The following ULK2 variants were observed in gnomAD, a reference collection of about 807,000 sequenced individuals.
ULK2 encodes unc-51 like autophagy activating kinase 2.
A neutral mutation model predicts 127.5 loss-of-function variants in ULK2; 76 were observed. The observed-to-expected ratio is 0.60, with a 90% CI of 0.50 to 0.72. The LOEUF (loss-of-function observed/expected upper bound fraction) is 0.72, where lower values mean the gene tolerates loss of function less well. Among genes scored for constraint, ULK2 ranks in the 30% least tolerant of loss-of-function variants. ULK2 has a pLI of 0.00. For synonymous variants in ULK2, 452 were observed against 461.9 expected, an observed-to-expected ratio of 0.98 and a Z score of 0.28; for missense variants, 1,144 against 1,295.9, an observed-to-expected ratio of 0.88 and a Z score of 1.80.
rs903403887 is a variant in ULK2, at chr17:19,786,088, T to C, written c.2102-2A>G. The stretch of plus-strand genomic sequence containing the variant: ...CACCACCACAGGCTCCTGCCGGAGC[T>C]ACAACAAAAAGTTTATAGAAGGTCA... On this transcript the variant is annotated splice_acceptor_variant, in intron 20 of 26. Coordinates refer to ENST00000395544, the MANE Select transcript of ULK2 (RefSeq NM_014683.4). LOFTEE classifies it high-confidence loss of function. 2.6e-6 allele frequency: 4 copies of C among 1,559,518 alleles called. No individual in the cohort carries two copies. The highest frequency in any genetic ancestry group is 2.6e-6 in the Non-Finnish European group (3 of 1,161,100).
intron 6 of ULK2, 47 bp downstream of exon 6, chr17:19,846,690 T>A: frequency 6.7e-7 from 1 of 1,485,692 alleles, no homozygotes; most frequent in Non-Finnish European, 9.0e-7. Context: ...TGTCTAAAAA[T>A]AGTTTCAAAA....
chr17:19,867,310 G>A lies in ULK2; in HGVS notation c.90+18C>T, dbSNP rs775376188. 11 of 1,551,812 alleles carry A rather than the reference G, an allele frequency of 7.1e-6. No individual in the cohort carries two copies. Among genetic ancestry groups the A allele is most frequent in the African/African-American group, 2.8e-5 (2 of 70,558 alleles). ...TGCCTGCCGCCCGGGGCCCGGCCTC[G>A]CCCCGGCCGGCGCTCACCTGGCGGT... On this transcript the variant is annotated intron_variant, in intron 1 of 26. Coordinates refer to ENST00000395544, the MANE Select transcript of ULK2 (RefSeq NM_014683.4).
In ULK2 at chr17:19,786,222, C is replaced by A. The variant is rs191456036; in HGVS notation, c.2102-136G>T. 5.3e-5 allele frequency: 36 copies of A among 673,922 alleles called. No individual in the cohort carries two copies. In the East Asian group the frequency reaches 1.2e-3, roughly 22 times the overall value. The allele number at this position is 673,922 out of a possible 1,614,324, so 41.7% of individuals were successfully genotyped here. Reference sequence around the variant, plus strand: ...TTTTTCCCTCTTCTTACAAAAAGTACTTATTGCTCTTAAAATCAGAAAACG... The same window carrying A: ...TTTTTCCCTCTTCTTACAAAAAGTAATTATTGCTCTTAAAATCAGAAAACG... On this transcript the variant is annotated intron_variant, in intron 20 of 26. Transcript: ENST00000395544.
chr17:19,786,247 G>A (rs1450520993), intron 20 of ULK2, among the ~76,000 whole-genome samples, 161 bp from the exon 21 acceptor site: 3 of 151,130 alleles, frequency 2.0e-5, no homozygotes, highest in Admixed American at 1.3e-4. Flanking sequence ...ATCAGAAAAC[G>A]TAATACAATA....
At chr17:19,784,051 G>T in intron 21 of ULK2, 146 bp from the exon 22 acceptor site, 1 of 541,322 alleles carries the variant, frequency 1.8e-6, no homozygotes, top group Non-Finnish European at 2.8e-6. Context: ...TACTATTTGA[G>T]GATATTAATA....
Position 19,816,727 on chromosome 17 carries a change from T to C in ULK2, c.1096+22A>G, listed in dbSNP as rs1403750639. On this transcript the variant is annotated intron_variant, in intron 13 of 26. Coordinates refer to ENST00000395544, the MANE Select transcript of ULK2 (RefSeq NM_014683.4). Reference sequence around the variant, plus strand: ...TTAGTAGATTAAGAAATACAATGTGTACAAGTAGAAAAGATTCTCACATGA... The same window carrying C: ...TTAGTAGATTAAGAAATACAATGTGCACAAGTAGAAAAGATTCTCACATGA... 6.5e-6 allele frequency: 10 copies of C among 1,546,948 alleles called. No individual in the cohort carries two copies. The Admixed American group carries it at 6.8e-5, about 10-fold the overall frequency.
intron 17 of ULK2, among the ~76,000 whole-genome samples, chr17:19,798,092 C>T (rs571059514): frequency 6.6e-6 from 1 of 152,136 alleles, no homozygotes; most frequent in Non-Finnish European, 1.5e-5. Context: ...ATTCTCTTTT[C>T]TCACACAGCA....
chr17:19,846,421 C>G (rs1398184479), intron 6 of ULK2, among the ~76,000 whole-genome samples: 1 of 152,048 alleles, frequency 6.6e-6, no homozygotes, highest in East Asian at 1.9e-4. Flanking sequence ...GGGCAGATCA[C>G]CTGAGGTCAG....
chr17:19,781,123 A>G lies in ULK2; in HGVS notation c.2640-19T>C. On this transcript the variant is annotated intron_variant, in intron 23 of 26. Coordinates refer to ENST00000395544, the MANE Select transcript of ULK2 (RefSeq NM_014683.4). Reference sequence around the variant, plus strand: ...CACCCGCCTGCACCCAAAAGACAGTAGCAGAGGGTTATCTTGTGAACTAAT... The same window carrying G: ...CACCCGCCTGCACCCAAAAGACAGTGGCAGAGGGTTATCTTGTGAACTAAT... 1 of 1,609,648 alleles carries G rather than the reference A, an allele frequency of 6.2e-7. No individual in the cohort carries two copies. Among genetic ancestry groups the G allele is most frequent in the Non-Finnish European group, 8.5e-7 (1 of 1,176,564 alleles).
intron 3 of ULK2, 81 bp from the exon 4 acceptor site, chr17:19,849,855 A>C (rs1358488821): frequency 1.2e-6 from 1 of 832,884 alleles, no homozygotes; most frequent in African/African-American, 1.8e-5. Flanking sequence ...AAAATACCAT[A>C]CTTGTTCATT....
chr17:19,814,439 T>TATACACACATATATA, intron 13 of ULK2, among the ~76,000 whole-genome samples: 1 of 9,992 alleles, frequency 1.0e-4, no homozygotes, highest in African/African-American at 2.1e-4. Flanking sequence ...TATATATATA[T>TATACACACATATATA]TTTTTTTTTT....
At chr17:19,837,618 AT>A (rs2041630166) in intron 10 of ULK2, among the ~76,000 whole-genome samples, 2 of 152,152 alleles carry the variant, frequency 1.3e-5, no homozygotes, top group Non-Finnish European at 2.9e-5. Context: ...AGTCTTTCCC[AT>A]CACTGTAATC....
chr17:19,824,488 G>C lies in ULK2; in HGVS notation c.924+606C>G, dbSNP rs999151748. ...AAAAAAAAAAAAGCCTAAGAGAAGA[G>C]TGGAGTAGGAAGAAGTGACTAGAGT... On this transcript the variant is annotated intron_variant, in intron 12 of 26. Coordinates refer to ENST00000395544, the MANE Select transcript of ULK2 (RefSeq NM_014683.4). Among the ~76,000 whole-genome samples, 4 of 145,230 alleles carry C rather than the reference G, an allele frequency of 2.8e-5. No individual in the cohort carries two copies. The East Asian group carries it at 8.3e-4, about 30-fold the overall frequency.
At chr17:19,799,182 TA>T (rs1329829337) in intron 17 of ULK2, among the ~76,000 whole-genome samples, 1 of 151,740 alleles carries the variant, frequency 6.6e-6, no homozygotes, top group African/African-American at 2.4e-5. Flanking sequence ...AAAAAAGTAT[TA>T]TTAATCAATA....
intron 10 of ULK2, among the ~76,000 whole-genome samples, chr17:19,833,332 C>A (rs1177580030): frequency 6.6e-6 from 1 of 150,736 alleles, no homozygotes; most frequent in African/African-American, 2.4e-5. Context: ...AAATGTTGAA[C>A]TTAACAAAGA....
At chr17:19,788,221 G>C (rs2087077111) in intron 20 of ULK2, among the ~76,000 whole-genome samples, 1 of 152,092 alleles carries the variant, frequency 6.6e-6, no homozygotes, top group Non-Finnish European at 1.5e-5. Flanking sequence ...GACTTAGAGA[G>C]ACATCAGACA....
intron 14 of ULK2, 106 bp from the exon 15 acceptor site, chr17:19,804,936 G>A: frequency 7.7e-7 from 1 of 1,304,682 alleles, no homozygotes; most frequent in Non-Finnish European, 1.0e-6. Flanking sequence ...AGAGCCAAAT[G>A]GTCACTCCAC....
chr17:19,867,273 C>G, intron 1 of ULK2, 55 bp downstream of exon 1: 1 of 1,393,656 alleles, frequency 7.2e-7, no homozygotes, highest in Non-Finnish European at 9.5e-7. Context: ...GTTTCAGAAC[C>G]ACCTAGCCCC....
Position 19,799,706 on chromosome 17 carries a change from G to A in ULK2, c.1442-131C>T, listed in dbSNP as rs191034964. ...GGTTAGAAAATTTTAAGTAACAAAC[G>A]TTTAGTTCAACTAACATTTACTGGA... On this transcript the variant is annotated intron_variant, in intron 16 of 26. Transcript: ENST00000395544. 7.8e-5 allele frequency: 63 copies of A among 802,566 alleles called. No individual in the cohort carries two copies. In the Admixed American group the frequency reaches 1.8e-3, roughly 23 times the overall value. The allele number at this position is 802,566 out of a possible 1,614,324, so 49.7% of individuals were successfully genotyped here.
Sources: gnomAD v4.1 joint callset for allele counts (sites outside exome capture counted in the v4.1 genomes callset) on GRCh38, gnomAD v4.1.1 for gene constraint, MANE v1.5 for transcripts, NCBI Gene and HGNC (gene_info 2026-07-23, HGNC 2026-07-21) for gene names.